MTOR: variants seen among roughly 807,000 people sequenced by gnomAD.
The protein encoded by MTOR is mechanistic target of rapamycin kinase.
MTOR carries 70 observed loss-of-function variants against 319.8 expected under a neutral mutation model. That is an observed-to-expected ratio of 0.22 (90% CI 0.18 to 0.27). MTOR has a LOEUF of 0.27. Among genes scored for constraint, MTOR ranks in the 10% least tolerant of loss-of-function variants. The probability of loss-of-function intolerance (pLI) is 1.00; values close to 1 mark genes in which losing one functional copy is unlikely to be tolerated. For missense variants in MTOR, 1,890 were observed against 3,274.4 expected, an observed-to-expected ratio of 0.58 and a Z score of 10.32; for synonymous variants, 1,183 against 1,211.4, an observed-to-expected ratio of 0.98 and a Z score of 0.49.
rs192124042 is a variant in MTOR, at chr1:11,247,319, C to T, written c.1225+306G>A. 3.3e-5 allele frequency among the ~76,000 whole-genome samples: 5 copies of T among 152,244 alleles called. No individual in the cohort carries two copies. In the East Asian group the frequency reaches 9.7e-4, roughly 29 times the overall value. ...GACTCACAAAGCTTTGACGTAGATG[C>T]TGCACAGTAGCTACATCAAAACTGC... On this transcript the variant is annotated intron_variant, in intron 8 of 57. Coordinates refer to ENST00000361445, the MANE Select transcript of MTOR (RefSeq NM_004958.4).
chr1:11,166,836 G>A (rs1362702536), intron 29 of MTOR, among the ~76,000 whole-genome samples: 1 of 152,174 alleles, frequency 6.6e-6, no homozygotes, highest in Non-Finnish European at 1.5e-5. Flanking sequence ...CAAAGACTTG[G>A]AACCAACCCA....
chr1:11,169,336 T>C (rs1644740164), intron 28 of MTOR, among the ~76,000 whole-genome samples: 1 of 152,230 alleles, frequency 6.6e-6, no homozygotes. Flanking sequence ...TTATCAGACC[T>C]GTTTCACTAA....
chr1:11,147,520 T>G (rs771257514), intron 31 of MTOR, among the ~76,000 whole-genome samples: 29 of 152,230 alleles, frequency 1.9e-4, no homozygotes, highest in Non-Finnish European at 3.2e-4. Context: ...ACTACAGGGC[T>G]GCCAATTTTA....
chr1:11,241,238 G>A (rs957415870), intron 10 of MTOR, among the ~76,000 whole-genome samples: 14 of 150,326 alleles, frequency 9.3e-5, no homozygotes, highest in Non-Finnish European at 1.8e-4. Context: ...GGAGAATGGC[G>A]TGAACCCGGG....
At chr1:11,218,125 G>T (rs925842292) in intron 19 of MTOR, among the ~76,000 whole-genome samples, 1 of 152,000 alleles carries the variant, frequency 6.6e-6, no homozygotes, top group African/African-American at 2.4e-5. Context: ...ATGTATAGTG[G>T]TCCCTATACA....
In MTOR at chr1:11,115,474, A is replaced by G; in HGVS notation, c.7017-6T>C. The G allele has an allele frequency of 6.2e-7, 1 of 1,613,236 alleles. No individual in the cohort carries two copies. The highest frequency in any genetic ancestry group is 8.5e-7 in the Non-Finnish European group (1 of 1,179,156). Reference sequence around the variant, plus strand: ...GCATCAGGTTGGATGGGTGTCTTTGAGAAACAGAAGACAGATCAGGGAGGG... The same window carrying G: ...GCATCAGGTTGGATGGGTGTCTTTGGGAAACAGAAGACAGATCAGGGAGGG... On this transcript the variant is annotated splice_polypyrimidine_tract_variant and splice_region_variant and intron_variant, in intron 50 of 57. Coordinates refer to ENST00000361445, the MANE Select transcript of MTOR (RefSeq NM_004958.4). The surrounding 1 kb of genome is among the most constrained non-coding windows in gnomAD (Gnocchi z 4.5).
In MTOR at chr1:11,199,811, A is replaced by C; in HGVS notation, c.3945-108T>G. ...TGGCATCACTGATTTTGGTTATACA[A>C]ACCAGTGCTATACAGACCAGTGCTG... On this transcript the variant is annotated intron_variant, in intron 26 of 57. Transcript: ENST00000361445. The surrounding 1 kb of genome is among the most constrained non-coding windows in gnomAD (Gnocchi z 4.5). 2 of 1,146,166 alleles carry C rather than the reference A, an allele frequency of 1.7e-6. No individual in the cohort carries two copies. Among genetic ancestry groups the C allele is most frequent in the Non-Finnish European group, 2.5e-6 (2 of 801,078 alleles). 71.0% of individuals were successfully genotyped at this position (1,146,166 alleles called of 1,614,324 possible).
chr1:11,177,485 G>A (rs1002726330), intron 28 of MTOR, among the ~76,000 whole-genome samples: 88 of 152,300 alleles, frequency 5.8e-4, no homozygotes, highest in African/African-American at 2.1e-3. Context: ...TTGAGCCCAC[G>A]AGTGTGAGGC....
At position 11,216,093 on chromosome 1, in the gene MTOR, C is replaced by T. The variant is rs1186309154; in HGVS notation, c.3117+55G>A. On this transcript the variant is annotated intron_variant, in intron 20 of 57. Transcript: ENST00000361445. ...AAGTCTATGTCATTCAAACTTGCTTCTGAGCCTTCCTTGACCCAAACATGG... is the reference window on the plus strand; with the variant it reads ...AAGTCTATGTCATTCAAACTTGCTTTTGAGCCTTCCTTGACCCAAACATGG... The T allele has an allele frequency of 3.8e-6, 5 of 1,320,904 alleles. No homozygotes were observed. In the Admixed American group the frequency reaches 8.8e-5, roughly 23 times the overall value. The allele number at this position is 1,320,904 out of a possible 1,614,324, so 81.8% of individuals were successfully genotyped here. A position where few individuals can be genotyped will look rare whatever the true frequency, so the allele number is the denominator to read the frequency against.
At chr1:11,206,734 G>C (rs1194529004) in intron 25 of MTOR, among the ~76,000 whole-genome samples, 1 of 152,178 alleles carries the variant, frequency 6.6e-6, no homozygotes, top group African/African-American at 2.4e-5. Flanking sequence ...TAACAACTGT[G>C]TAAACACGAG....
chr1:11,126,476 T>C, intron 46 of MTOR, 146 bp downstream of exon 46: 1 of 930,158 alleles, frequency 1.1e-6, no homozygotes, highest in Non-Finnish European at 1.6e-6. Flanking sequence ...TTGCTTGCCC[T>C]CTATTTTCCT....
At chr1:11,172,542 C>T (rs191553955) in intron 28 of MTOR, among the ~76,000 whole-genome samples, 3 of 126,140 alleles carry the variant, frequency 2.4e-5, no homozygotes, top group East Asian at 2.3e-4. Flanking sequence ...CCTGGGTGAC[C>T]GCGAGACTCT....
chr1:11,172,548 A>C, intron 28 of MTOR, among the ~76,000 whole-genome samples: 1 of 117,540 alleles, frequency 8.5e-6, no homozygotes, highest in African/African-American at 3.4e-5. Context: ...TGACCGCGAG[A>C]CTCTGTCTCA....
At chr1:11,125,732 GA>G (rs567989861) in intron 46 of MTOR, among the ~76,000 whole-genome samples, 22,227 of 113,630 alleles carry the variant, frequency 0.2, 2,241 homozygotes, top group Middle Eastern at 0.3. Context: ...CTGTCTTGGG[GA>G]AAAAAAAAAA....
At position 11,136,895 on chromosome 1, in the gene MTOR, G is replaced by A. The variant is rs138916151; in HGVS notation, c.5130+2409C>T. ...TCGCTCTTGTCACCCAGGATGGAGT[G>A]CAGTGGCGTGATCTTGGCTCACTGC... On this transcript the variant is annotated intron_variant, in intron 36 of 57. Coordinates refer to ENST00000361445, the MANE Select transcript of MTOR (RefSeq NM_004958.4). Among the ~76,000 whole-genome samples the A allele has an allele frequency of 7.3e-5, 11 of 150,024 alleles. No individual in the cohort carries two copies. In the East Asian group the frequency reaches 2.1e-3, roughly 29 times the overall value.
chr1:11,144,581 G>A, intron 34 of MTOR, 67 bp downstream of exon 34: 1 of 1,347,070 alleles, frequency 7.4e-7, no homozygotes, highest in Non-Finnish European at 1.1e-6. Flanking sequence ...GGTGGAGGGG[G>A]GCACTCACCC....
At chr1:11,192,286 C>T (rs569170296) in intron 28 of MTOR, 1 of 1,613,732 alleles carries the variant, frequency 6.2e-7, no homozygotes, top group South Asian at 1.1e-5. Flanking sequence ...TCTACGACTG[C>T]TCTTCCCTCT....
chr1:11,128,259 C>T lies in MTOR; in HGVS notation c.5911-133G>A, dbSNP rs1019858075. On this transcript the variant is annotated intron_variant, in intron 42 of 57. Transcript: ENST00000361445. This position sits in a 1 kb window ranked among gnomAD's most constrained non-coding sequence, Gnocchi z 5.3. ...TCTGCTTGAGACTACCAGGAAGGGGCTCAGTCTTCGAGGGAACGCTTTCTT... is the reference window on the plus strand; with the variant it reads ...TCTGCTTGAGACTACCAGGAAGGGGTTCAGTCTTCGAGGGAACGCTTTCTT... 26 of 1,388,028 alleles carry T rather than the reference C, an allele frequency of 1.9e-5. No homozygotes were observed. Among genetic ancestry groups the T allele is most frequent in the Non-Finnish European group, 2.2e-5 (22 of 1,013,504 alleles). The allele number at this position is 1,388,028 out of a possible 1,614,324, so 86.0% of individuals were successfully genotyped here. A position where few individuals can be genotyped will look rare whatever the true frequency, so the allele number is the denominator to read the frequency against.
At chr1:11,210,962 G>A in intron 23 of MTOR, 56 bp from the exon 24 acceptor site, 2 of 1,094,888 alleles carry the variant, frequency 1.8e-6, no homozygotes, top group Admixed American at 1.8e-5. Context: ...TGGAGAAAAA[G>A]TAGAGGAAAA....
Sources: allele counts gnomAD v4.1 joint callset (sites outside exome capture counted in the v4.1 genomes callset), GRCh38; gene constraint gnomAD v4.1.1; non-coding constraint Gnocchi (gnomAD v3.1); transcripts MANE v1.5; gene names NCBI Gene and HGNC (gene_info 2026-07-23, HGNC 2026-07-21).